EYA1: variants seen among roughly 807,000 people sequenced by gnomAD.
The protein encoded by EYA1 is EYA transcriptional coactivator and phosphatase 1, also known as protein phosphatase EYA1.
In EYA1, 16 loss-of-function variants were observed where a neutral mutation model predicts 82.0. The observed-to-expected ratio is 0.20, with a 90% CI of 0.13 to 0.30. EYA1 has a LOEUF of 0.30. Ranked by LOEUF, EYA1 falls within the 10% of genes least tolerant of loss-of-function variation. The pLI, the probability that EYA1 is intolerant of heterozygous loss-of-function variation, is 1.00. For missense variants in EYA1, 633 were observed against 730.7 expected, an observed-to-expected ratio of 0.87 and a Z score of 1.54; for synonymous variants, 261 against 264.4, an observed-to-expected ratio of 0.99 and a Z score of 0.12.
chr8:71,313,116 T>C (rs996639060), intron 7 of EYA1, among the ~76,000 whole-genome samples: 12 of 152,144 alleles, frequency 7.9e-5, no homozygotes, highest in African/African-American at 2.7e-4. Flanking sequence ...TTCCCCACTC[T>C]CATTTTCCAA....
intron 2 of EYA1, among the ~76,000 whole-genome samples, chr8:71,422,562 C>G (rs182804146): frequency 1.3e-5 from 2 of 152,240 alleles, no homozygotes; most frequent in African/African-American, 4.8e-5. Context: ...TTAGTCCATT[C>G]TCATGCTGCT....
chr8:71,248,655 CAGA>C (rs1174621290), intron 11 of EYA1, among the ~76,000 whole-genome samples: 2 of 152,194 alleles, frequency 1.3e-5, no homozygotes, highest in Admixed American at 6.5e-5. Context: ...AGGAAACTAG[CAGA>C]AGGACAGATA....
At chr8:71,497,523 C>G (rs1470440066) in intron 2 of EYA1, among the ~76,000 whole-genome samples, 1 of 152,038 alleles carries the variant, frequency 6.6e-6, no homozygotes, top group East Asian at 1.9e-4. Context: ...ATGATAAGCT[C>G]TCACCTCACA....
intron 2 of EYA1, among the ~76,000 whole-genome samples, chr8:71,510,554 T>G (rs1326981930): frequency 6.6e-6 from 1 of 152,054 alleles, no homozygotes; most frequent in Non-Finnish European, 1.5e-5. Flanking sequence ...AGAGAATGAG[T>G]GCCGAGCGAA....
intron 2 of EYA1, among the ~76,000 whole-genome samples, chr8:71,385,256 T>A (rs540946035): frequency 6.6e-6 from 1 of 152,048 alleles, no homozygotes; most frequent in East Asian, 1.9e-4. Flanking sequence ...ATTATGTAAT[T>A]AAAATAAGGG....
At chr8:71,342,221 C>T (rs1032997215) in intron 3 of EYA1, among the ~76,000 whole-genome samples, 28 of 152,240 alleles carry the variant, frequency 1.8e-4, no homozygotes, top group East Asian at 7.7e-4. Flanking sequence ...GCTTCTCTAC[C>T]GACTCCAGGA....
chr8:71,359,237 T>A (rs1827165979), intron 1 of EYA1, among the ~76,000 whole-genome samples: 1 of 152,186 alleles, frequency 6.6e-6, no homozygotes, highest in African/African-American at 2.4e-5. Context: ...GTTTGCCTTT[T>A]TTCTAATTAA....
At chr8:71,460,795 G>T (rs902157220) in intron 2 of EYA1, among the ~76,000 whole-genome samples, 3 of 152,204 alleles carry the variant, frequency 2.0e-5, no homozygotes, top group Admixed American at 1.3e-4. Context: ...ATATGGGAGA[G>T]ACTTAGACAG....
chr8:71,475,732 C>T (rs60650126), intron 2 of EYA1, among the ~76,000 whole-genome samples: 23,406 of 152,030 alleles, frequency 0.15, 3,193 homozygotes, highest in East Asian at 0.47. Flanking sequence ...AATCTAACAT[C>T]GAATTAGAGA....
Position 71,411,730 on chromosome 8 carries a change from C to G in EYA1, c.34-55219G>C, listed in dbSNP as rs550781429. ...CAATCATTAAAAAGTCAGGAAACAA[C>G]AGGTGCTGGAGAGGATGTGGAGAAA... On this transcript the variant is annotated intron_variant, in intron 2 of 18. Coordinates refer to the EYA1 transcript ENST00000643681. 6.0e-3 allele frequency among the ~76,000 whole-genome samples: 873 copies of G among 145,010 alleles called. 9 individuals are homozygous for G. Among genetic ancestry groups the G allele is most frequent in the South Asian group, 0.028 (122 of 4,344 alleles).
At chr8:71,256,930 C>G (rs1048781604) in intron 11 of EYA1, among the ~76,000 whole-genome samples, 1 of 151,724 alleles carries the variant, frequency 6.6e-6, no homozygotes, top group Non-Finnish European at 1.5e-5. Context: ...ACCCGGGAGA[C>G]GGAGGTTGCA....
chr8:71,423,378 G>A (rs1831249502), intron 2 of EYA1, among the ~76,000 whole-genome samples: 1 of 152,152 alleles, frequency 6.6e-6, no homozygotes, highest in Non-Finnish European at 1.5e-5. Flanking sequence ...TAGCTTTGAG[G>A]ATTGTTCTTG....
intron 2 of EYA1, among the ~76,000 whole-genome samples, chr8:71,436,523 TC>T (rs753363527): frequency 1.2e-4 from 19 of 152,216 alleles, no homozygotes; most frequent in Admixed American, 6.5e-4. Context: ...ATTGATTGTG[TC>T]CCTATAAAAA....
intron 11 of EYA1, among the ~76,000 whole-genome samples, chr8:71,267,517 T>C (rs1475894040): frequency 6.6e-6 from 1 of 152,220 alleles, no homozygotes; most frequent in African/African-American, 2.4e-5. Context: ...TCAGAGAGTA[T>C]ATAAATTTGG....
intron 2 of EYA1, among the ~76,000 whole-genome samples, chr8:71,429,378 T>C (rs1050322239): frequency 6.6e-6 from 1 of 151,794 alleles, no homozygotes; most frequent in Non-Finnish European, 1.5e-5. Context: ...TCAAAAAATA[T>C]ATTTTTAAGA....
chr8:71,381,525 T>C (rs1238642324), intron 2 of EYA1, among the ~76,000 whole-genome samples: 1 of 152,182 alleles, frequency 6.6e-6, no homozygotes, highest in Non-Finnish European at 1.5e-5. Context: ...AACAATGGCC[T>C]AGGACAGACC....
At chr8:71,211,301 C>A in intron 16 of EYA1, 45 bp from the exon 17 acceptor site, 1 of 1,285,078 alleles carries the variant, frequency 7.8e-7, no homozygotes, top group Non-Finnish European at 1.1e-6. Flanking sequence ...GTTTGGGTAA[C>A]CTAATGTGAC....
At chr8:71,270,046 A>G (rs1816330719) in intron 10 of EYA1, among the ~76,000 whole-genome samples, 1 of 152,258 alleles carries the variant, frequency 6.6e-6, no homozygotes, top group South Asian at 2.1e-4. Flanking sequence ...TAATGTCAAT[A>G]TAAATATAGG....
At chr8:71,201,177 T>G (rs1283601440) in intron 17 of EYA1, among the ~76,000 whole-genome samples, 1 of 150,426 alleles carries the variant, frequency 6.6e-6, no homozygotes, top group Non-Finnish European at 1.5e-5. Context: ...TTAGGCACTA[T>G]GCTAAGCACC....
Sources: allele counts gnomAD v4.1 joint callset (sites outside exome capture counted in the v4.1 genomes callset), GRCh38; gene constraint gnomAD v4.1.1; transcripts MANE v1.5; gene names NCBI Gene and HGNC (gene_info 2026-07-23, HGNC 2026-07-21).